The following NTM variants were observed in gnomAD, a reference collection of about 807,000 sequenced individuals.
NTM encodes the protein neurotrimin.
Under a neutral mutation model 42.1 loss-of-function variants are expected in NTM, and 13 were observed. The observed-to-expected ratio is 0.31, with a 90% CI of 0.20 to 0.49. The LOEUF (loss-of-function observed/expected upper bound fraction) is 0.49. NTM is among the 20% of genes least tolerant of loss of function. The pLI is 0.99. For synonymous variants in NTM, 187 were observed against 179.2 expected, an observed-to-expected ratio of 1.04 and a Z score of -0.35; for missense variants, 373 against 452.8, an observed-to-expected ratio of 0.82 and a Z score of 1.60.
intron 1 of NTM, among the ~76,000 whole-genome samples, chr11:131,871,119 C>T (rs1309005116): frequency 6.6e-6 from 1 of 152,154 alleles, no homozygotes; most frequent in East Asian, 1.9e-4. Context: ...CAAAACACTA[C>T]CAAGAAAGAG....
At chr11:131,450,690 T>C (rs1950415497) in intron 1 of NTM, among the ~76,000 whole-genome samples, 1 of 152,218 alleles carries the variant, frequency 6.6e-6, no homozygotes, top group African/African-American at 2.4e-5. Flanking sequence ...TAATTTTAGT[T>C]TTTAACACAG....
At chr11:131,978,553 C>T (rs2064764595) in intron 2 of NTM, among the ~76,000 whole-genome samples, 1 of 152,044 alleles carries the variant, frequency 6.6e-6, no homozygotes, top group Non-Finnish European at 1.5e-5. Flanking sequence ...GTTCCCGAGG[C>T]TCCTGCAGCA....
At chr11:131,674,184 C>T (rs1218640494) in intron 1 of NTM, among the ~76,000 whole-genome samples, 1 of 152,264 alleles carries the variant, frequency 6.6e-6, no homozygotes, top group Non-Finnish European at 1.5e-5. Flanking sequence ...CACACGTTCT[C>T]TTTCCCAGAG....
Position 132,335,088 on chromosome 11 carries a change from G to A in NTM, c.1010G>A (p.Arg337Lys), listed in dbSNP as rs777453936. Residue 337 changes from arginine (R) to lysine (K), a missense_variant, in exon 9 of 9, where the codon AGG (arginine) becomes AAG (lysine). Transcript: ENST00000683400. ...VSEVSNGTSRRAGCVWLLPLL... is the reference protein window; with the variant it reads ...VSEVSNGTSRKAGCVWLLPLL... ...GAGGTGAGCAACGGCACGTCGAGGA[G>A]GGCAGGCTGCGTCTGGCTGCTGCCT... 6.2e-7 allele frequency: 1 copy of A among 1,612,580 alleles called. No homozygotes were observed. The highest frequency in any genetic ancestry group is 1.7e-5 in the Admixed American group (1 of 59,992).
At chr11:132,274,251 G>C (rs1305378339) in intron 4 of NTM, among the ~76,000 whole-genome samples, 1 of 151,282 alleles carries the variant, frequency 6.6e-6, no homozygotes, top group Non-Finnish European at 1.5e-5. Flanking sequence ...TTTCTGCCTG[G>C]TTTAGGCTTA....
intron 1 of NTM, among the ~76,000 whole-genome samples, chr11:131,643,566 G>A (rs1335366952): frequency 6.6e-6 from 1 of 152,202 alleles, no homozygotes; most frequent in South Asian, 2.1e-4. Context: ...GTGTCGCACA[G>A]AAGCTTATGG....
intron 3 of NTM, among the ~76,000 whole-genome samples, chr11:132,196,588 C>T (rs1456882704): frequency 2.0e-5 from 3 of 152,146 alleles, no homozygotes; most frequent in Non-Finnish European, 4.4e-5. Flanking sequence ...GGTACATATA[C>T]ACCATGGAAT....
At chr11:132,196,482 A>T (rs940442105) in intron 3 of NTM, among the ~76,000 whole-genome samples, 7 of 152,160 alleles carry the variant, frequency 4.6e-5, no homozygotes, top group African/African-American at 9.7e-5. Flanking sequence ...CTAAAAAAAA[A>T]ATACACTCAT....
intron 2 of NTM, among the ~76,000 whole-genome samples, chr11:131,997,813 A>C (rs1165995241): frequency 6.6e-6 from 1 of 152,110 alleles, no homozygotes; most frequent in Non-Finnish European, 1.5e-5. Flanking sequence ...CCTGTTAGCT[A>C]TGAGGCTGCC....
At chr11:131,873,157 A>G (rs553723402) in intron 1 of NTM, among the ~76,000 whole-genome samples, 6 of 152,314 alleles carry the variant, frequency 3.9e-5, no homozygotes, top group South Asian at 2.1e-4. Flanking sequence ...TGTGGCACAT[A>G]TACACCATGG....
chr11:132,106,815 G>T (rs1023075032), intron 2 of NTM, among the ~76,000 whole-genome samples: 2 of 152,152 alleles, frequency 1.3e-5, no homozygotes, highest in African/African-American at 2.4e-5. Context: ...ATGACTCTTC[G>T]CTGCCTGTGA....
chr11:131,712,023 C>G (rs2077205063), intron 1 of NTM, among the ~76,000 whole-genome samples: 1 of 148,604 alleles, frequency 6.7e-6, no homozygotes, highest in Non-Finnish European at 1.5e-5. Context: ...AGGAGGTATA[C>G]CTAATGCTAA....
intron 1 of NTM, among the ~76,000 whole-genome samples, chr11:131,558,049 C>T (rs983219446): frequency 6.6e-6 from 1 of 152,174 alleles, no homozygotes; most frequent in African/African-American, 2.4e-5. Flanking sequence ...AACCAGGAAG[C>T]GCCTTAATGA....
chr11:132,316,252 G>GCAAA (rs553087036), intron 7 of NTM, among the ~76,000 whole-genome samples: 8 of 152,256 alleles, frequency 5.3e-5, no homozygotes, highest in South Asian at 2.1e-4. Flanking sequence ...GGGAGAAGCA[G>GCAAA]CAAACAAACA....
chr11:131,370,714 C>A lies in NTM; in HGVS notation c.-93C>A, dbSNP rs905031947. ...AAAACAGTGGATTTAAATCTCCTTG[C>A]ACAAGCTTGAGAGCAACACAATCTA... On this transcript the variant is annotated 5_prime_UTR_variant, in exon 1 of 9. Transcript: ENST00000683400. 126 of 1,091,514 alleles carry A rather than the reference C, an allele frequency of 1.2e-4. No homozygotes were observed. Among genetic ancestry groups the A allele is most frequent in the South Asian group, 1.6e-4 (11 of 69,278 alleles). 67.6% of individuals were successfully genotyped at this position (1,091,514 alleles called of 1,614,324 possible).
chr11:131,735,216 T>C (rs570024384), intron 1 of NTM, among the ~76,000 whole-genome samples: 3 of 152,326 alleles, frequency 2.0e-5, no homozygotes, highest in African/African-American at 7.2e-5. Context: ...GGCTAGATGT[T>C]GGCAAAGCTC....
At position 131,816,536 on chromosome 11, in the gene NTM, T is replaced by A. The variant is rs987832403; in HGVS notation, c.83-95028T>A. Reference sequence around the variant, plus strand: ...TGGGTGGGGAAACAAGTTCATTGAATATTAAAGCAAGAAAAAAAAAAAAAG... The same window carrying A: ...TGGGTGGGGAAACAAGTTCATTGAAAATTAAAGCAAGAAAAAAAAAAAAAG... On this transcript the variant is annotated intron_variant, in intron 1 of 8. Transcript: ENST00000683400. 1.4e-4 allele frequency among the ~76,000 whole-genome samples: 15 copies of A among 108,588 alleles called. 1 individual carries two copies. Among genetic ancestry groups the A allele is most frequent in the Non-Finnish European group, 2.6e-4 (15 of 57,854 alleles). The allele number at this position is 108,588 out of a possible 152,430, so 71.2% of individuals were successfully genotyped here.
At chr11:131,773,596 T>G (rs919981471) in intron 1 of NTM, among the ~76,000 whole-genome samples, 3 of 152,218 alleles carry the variant, frequency 2.0e-5, no homozygotes, top group African/African-American at 7.2e-5. Context: ...GATGCATTTT[T>G]AAATCAGAAA....
chr11:131,937,577 A>G (rs2059361236), intron 2 of NTM, among the ~76,000 whole-genome samples: 1 of 152,154 alleles, frequency 6.6e-6, no homozygotes, highest in African/African-American at 2.4e-5. Flanking sequence ...TCTTTCATAT[A>G]CCACATAAAA....
Sources: gnomAD v4.1 joint callset for allele counts (sites outside exome capture counted in the v4.1 genomes callset) on GRCh38, gnomAD v4.1.1 for gene constraint, MANE v1.5 for transcripts, NCBI Gene and HGNC (gene_info 2026-07-23, HGNC 2026-07-21) for gene names.